The following NNT variants were observed in gnomAD, a reference collection of about 807,000 sequenced individuals.
The protein encoded by NNT is NAD(P) transhydrogenase, mitochondrial.
In NNT, 50 loss-of-function variants were observed where a neutral mutation model predicts 104.8. That is an observed-to-expected ratio of 0.48 (90% CI 0.38 to 0.60). The LOEUF is 0.60. Among genes scored for constraint, NNT ranks in the 20% least tolerant of loss-of-function variants. The pLI, the probability that NNT is intolerant of heterozygous loss-of-function variation, is 0.00. For missense variants in NNT, 1,131 were observed against 1,330.7 expected, an observed-to-expected ratio of 0.85 and a Z score of 2.33; for synonymous variants, 461 against 490.4, an observed-to-expected ratio of 0.94 and a Z score of 0.79.
chr5:43,704,162 T>C, intron 21 of NNT, 93 bp from the exon 22 acceptor site: 1 of 1,103,618 alleles, frequency 9.1e-7, no homozygotes, highest in Non-Finnish European at 1.3e-6. Flanking sequence ...GTACATGCCT[T>C]GTTCAAAGGT....
At chr5:43,645,622 TACAC>T in intron 10 of NNT, 112 bp downstream of exon 10, 64 of 367,626 alleles carry the variant, frequency 1.7e-4, no homozygotes, top group Non-Finnish European at 2.5e-4. Context: ...TAGATATATA[TACAC>T]ATATATATCT....
intron 8 of NNT, 120 bp from the exon 9 acceptor site, chr5:43,644,491 A>G (rs1751397438): frequency 4.5e-6 from 5 of 1,109,344 alleles, no homozygotes; most frequent in Admixed American, 5.5e-5. Context: ...ATGGGTATGT[A>G]TGTATATTCA....
At chr5:43,630,029 G>A (rs983253473) in intron 7 of NNT, among the ~76,000 whole-genome samples, 1 of 152,076 alleles carries the variant, frequency 6.6e-6, no homozygotes, top group Non-Finnish European at 1.5e-5. Context: ...TCTGGTTCTT[G>A]GTCATGAACT....
At chr5:43,697,938 T>C (rs533505307) in intron 19 of NNT, among the ~76,000 whole-genome samples, 1 of 151,546 alleles carries the variant, frequency 6.6e-6, no homozygotes, top group South Asian at 2.1e-4. Flanking sequence ...AAGATGAGAT[T>C]TGAGCGGGGA....
chr5:43,608,492 A>T (rs897604738), intron 1 of NNT, among the ~76,000 whole-genome samples: 2 of 152,226 alleles, frequency 1.3e-5, no homozygotes, highest in Non-Finnish European at 2.9e-5. Flanking sequence ...TTTGATAAAG[A>T]TACTATGGAA....
intron 19 of NNT, among the ~76,000 whole-genome samples, chr5:43,678,817 G>T (rs892346175): frequency 1.3e-5 from 2 of 152,178 alleles, no homozygotes; most frequent in Admixed American, 1.3e-4. Context: ...AAATCAGGGG[G>T]CTACCTTAAT....
At chr5:43,652,266 T>G (rs1042313463) in intron 13 of NNT, among the ~76,000 whole-genome samples, 1 of 152,362 alleles carries the variant, frequency 6.6e-6, no homozygotes. Flanking sequence ...TCTTTTCCTA[T>G]TCTTCCTCTA....
intron 7 of NNT, among the ~76,000 whole-genome samples, chr5:43,628,969 T>C (rs2111700100): frequency 6.6e-6 from 1 of 152,308 alleles, no homozygotes. Context: ...AAACGCCATT[T>C]ATTTAGAAAA....
At chr5:43,606,417 C>G (rs1749228515) in intron 1 of NNT, among the ~76,000 whole-genome samples, 1 of 152,126 alleles carries the variant, frequency 6.6e-6, no homozygotes, top group Non-Finnish European at 1.5e-5. Flanking sequence ...AACTAATTTT[C>G]TCTTTATTCT....
chr5:43,623,360 C>T (rs114924835), intron 5 of NNT, among the ~76,000 whole-genome samples: 2,130 of 151,512 alleles, frequency 0.014, 43 homozygotes, highest in African/African-American at 0.044. Flanking sequence ...AATGTTCTTA[C>T]TTTGTTTCTT....
intron 2 of NNT, among the ~76,000 whole-genome samples, chr5:43,609,691 C>T (rs1267756559): frequency 1.3e-5 from 2 of 152,210 alleles, no homozygotes; most frequent in African/African-American, 4.8e-5. Context: ...TACAGCTCAT[C>T]TATGCTCAGG....
At chr5:43,633,073 T>C (rs1750764094) in intron 7 of NNT, among the ~76,000 whole-genome samples, 1 of 152,176 alleles carries the variant, frequency 6.6e-6, no homozygotes, top group Admixed American at 6.5e-5. Context: ...GTTTCCCACC[T>C]CAGGTCTAGT....
chr5:43,683,749 A>C (rs1316014587), intron 19 of NNT, among the ~76,000 whole-genome samples: 1 of 152,250 alleles, frequency 6.6e-6, no homozygotes, highest in Non-Finnish European at 1.5e-5. Context: ...TATAATTTTA[A>C]CTAAATCTCT....
rs1463738785 is a variant in NNT, at chr5:43,669,959, G to A, written c.2635-5552G>A. Among the ~76,000 whole-genome samples, 6 of 152,040 alleles carry A rather than the reference G, an allele frequency of 3.9e-5. No individual in the cohort carries two copies. The East Asian group carries it at 1.2e-3, about 30-fold the overall frequency. ...TATTAATTATTGCCTCAATTTCAGA[G>A]CCTGTTATTGGTCTATTCAGGGATT... is the stretch of plus-strand genomic sequence containing the variant. On this transcript the variant is annotated intron_variant, in intron 17 of 21. Transcript: ENST00000344920.
rs58272291 is a variant in NNT, at chr5:43,698,897, C to CATAT, written c.2877-1207_2877-1204dup. Among the ~76,000 whole-genome samples, 269 of 145,400 alleles carry CATAT rather than the reference C, an allele frequency of 1.9e-3. 1 individual carries two copies. Among genetic ancestry groups the CATAT allele is most frequent in the African/African-American group, 5.4e-3 (216 of 39,786 alleles). On this transcript the variant is annotated intron_variant, in intron 19 of 21. Coordinates refer to ENST00000344920, the MANE Select transcript of NNT (RefSeq NM_182977.3). ...GTAGACTATATATATATATACACTA[C>CATAT]ATATATATATATATATATGTAGTCT...
intron 12 of NNT, among the ~76,000 whole-genome samples, 190 bp from the exon 13 acceptor site, chr5:43,651,549 G>A (rs1739766562): frequency 6.6e-6 from 1 of 151,886 alleles, no homozygotes; most frequent in Non-Finnish European, 1.5e-5. Flanking sequence ...CTGCACCCTA[G>A]CCTGGTCAAC....
At chr5:43,664,842 C>T (rs1041526493) in intron 17 of NNT, among the ~76,000 whole-genome samples, 1 of 152,150 alleles carries the variant, frequency 6.6e-6, no homozygotes, top group Non-Finnish European at 1.5e-5. Context: ...AAAATAATTT[C>T]GTTTTTAAGA....
chr5:43,643,741 T>C (rs1243362663), intron 7 of NNT, among the ~76,000 whole-genome samples: 1 of 152,260 alleles, frequency 6.6e-6, no homozygotes, highest in Non-Finnish European at 1.5e-5. Context: ...TAATTGGCAA[T>C]GTTCTGTTTT....
intron 7 of NNT, among the ~76,000 whole-genome samples, chr5:43,640,135 C>G (rs1032758950): frequency 6.6e-6 from 1 of 151,790 alleles, no homozygotes; most frequent in Non-Finnish European, 1.5e-5. Flanking sequence ...TTTTATCAGC[C>G]TTTGTCAGAA....
Sources: gnomAD v4.1 joint callset for allele counts (sites outside exome capture counted in the v4.1 genomes callset) on GRCh38, gnomAD v4.1.1 for gene constraint, MANE v1.5 for transcripts, NCBI Gene and HGNC (gene_info 2026-07-23, HGNC 2026-07-21) for gene names.